POU6F2: variants seen among roughly 807,000 people sequenced by gnomAD.
POU6F2 encodes POU class 6 homeobox 2.
POU6F2 carries 31 observed loss-of-function variants against 71.3 expected under a neutral mutation model. That is an observed-to-expected ratio of 0.43 (90% CI 0.33 to 0.59). The LOEUF is 0.59. Ranked by LOEUF, POU6F2 falls within the 20% of genes least tolerant of loss-of-function variation. The pLI, the probability that POU6F2 is intolerant of heterozygous loss-of-function variation, is 0.04. For synonymous variants in POU6F2, 347 were observed against 355.7 expected, an observed-to-expected ratio of 0.98 and a Z score of 0.27; for missense variants, 783 against 856.8, an observed-to-expected ratio of 0.91 and a Z score of 1.07.
At chr7:39,192,546 T>C (rs1793691224) in intron 2 of POU6F2, among the ~76,000 whole-genome samples, 1 of 152,190 alleles carries the variant, frequency 6.6e-6, no homozygotes, top group African/African-American at 2.4e-5. Context: ...TGGGCTACAT[T>C]TGGCACCAGT....
At chr7:39,275,940 A>T (rs1784429960) in intron 4 of POU6F2, among the ~76,000 whole-genome samples, 1 of 152,020 alleles carries the variant, frequency 6.6e-6, no homozygotes, top group Admixed American at 6.6e-5. Context: ...ACCTAAAACC[A>T]TAAAAACCCT....
In POU6F2 at chr7:39,258,550, A is replaced by C. The variant is rs6943329; in HGVS notation, c.598+50930A>C. Among the ~76,000 whole-genome samples the C allele has an allele frequency of 3.0e-3, 457 of 152,298 alleles. 4 individuals carry two copies. Among genetic ancestry groups the C allele is most frequent in the African/African-American group, 0.011 (443 of 41,558 alleles). ...TTCCTGGTTGCTTCATTCCATAGAG[A>C]TCCTTCTGTTGTGGTAACACAATTG... On this transcript the variant is annotated intron_variant, in intron 4 of 9. Transcript: ENST00000518318.
intron 5 of POU6F2, among the ~76,000 whole-genome samples, chr7:39,361,309 G>GT (rs1194134414): frequency 6.6e-6 from 1 of 152,212 alleles, no homozygotes; most frequent in African/African-American, 2.4e-5. Flanking sequence ...CAAGTATGCT[G>GT]TTTTTCTCCC....
intron 6 of POU6F2, among the ~76,000 whole-genome samples, chr7:39,430,828 G>A (rs1453187517): frequency 2.0e-5 from 3 of 152,162 alleles, no homozygotes; most frequent in African/African-American, 7.2e-5. Flanking sequence ...AGCTCAGGCT[G>A]ATAGGATGAA....
intron 1 of POU6F2, among the ~76,000 whole-genome samples, chr7:39,067,170 TA>T (rs1183885395): frequency 0.014 from 1,857 of 130,854 alleles, 17 homozygotes; most frequent in Non-Finnish European, 0.022. Context: ...TTACTTTGAC[TA>T]AAAAAAAAAA....
At chr7:39,174,977 A>G (rs1278288326) in intron 2 of POU6F2, among the ~76,000 whole-genome samples, 1 of 151,512 alleles carries the variant, frequency 6.6e-6, no homozygotes, top group African/African-American at 2.4e-5. Flanking sequence ...TTCTCCTGTG[A>G]CCTCTCTCCA....
intron 7 of POU6F2, among the ~76,000 whole-genome samples, chr7:39,442,621 C>T (rs1788430529): frequency 1.3e-5 from 2 of 152,204 alleles, no homozygotes; most frequent in South Asian, 2.1e-4. Context: ...GTTTGATTCT[C>T]TACCTTCTAA....
Position 39,246,380 on chromosome 7 carries a change from G to A in POU6F2, c.598+38760G>A, listed in dbSNP as rs73380915. On this transcript the variant is annotated intron_variant, in intron 4 of 9. Transcript: ENST00000518318. The stretch of plus-strand genomic sequence containing the variant: ...ATTAGTACTACCAAAGGGGAAAACA[G>A]TGTCAGGACAGAGAAAATAGAGGAC... Among the ~76,000 whole-genome samples the A allele has an allele frequency of 8.3e-3, 1,258 of 152,264 alleles. 15 individuals are homozygous for A. Among genetic ancestry groups the A allele is most frequent in the African/African-American group, 0.029 (1,213 of 41,548 alleles).
chr7:39,150,126 C>T (rs974032598), intron 2 of POU6F2, among the ~76,000 whole-genome samples: 1 of 152,062 alleles, frequency 6.6e-6, no homozygotes, highest in East Asian at 1.9e-4. Context: ...CTCCTGACCT[C>T]GTGATCCGCC....
chr7:39,052,661 C>T (rs970619725), intron 1 of POU6F2, among the ~76,000 whole-genome samples: 1 of 152,054 alleles, frequency 6.6e-6, no homozygotes, highest in South Asian at 2.1e-4. Flanking sequence ...AGAGCCAAAC[C>T]GTATCAGCCA....
At chr7:39,259,338 T>G (rs1784088453) in intron 4 of POU6F2, among the ~76,000 whole-genome samples, 1 of 152,186 alleles carries the variant, frequency 6.6e-6, no homozygotes, top group African/African-American at 2.4e-5. Context: ...GACTTTGTAT[T>G]GAGAAGTTTC....
chr7:39,065,437 G>A (rs1443226870), intron 1 of POU6F2, among the ~76,000 whole-genome samples: 1 of 151,438 alleles, frequency 6.6e-6, no homozygotes, highest in Non-Finnish European at 1.5e-5. Flanking sequence ...ATTCACAAAA[G>A]TGTGAAAATC....
At chr7:39,040,991 AAAG>A (rs1419940701) in intron 1 of POU6F2, among the ~76,000 whole-genome samples, 2 of 151,974 alleles carry the variant, frequency 1.3e-5, no homozygotes, top group Admixed American at 1.3e-4. Flanking sequence ...GCCAATTATT[AAAG>A]GGTTGGTGCT....
chr7:39,387,364 C>CTAATA (rs1562811465), intron 5 of POU6F2, among the ~76,000 whole-genome samples: 1 of 152,094 alleles, frequency 6.6e-6, no homozygotes, highest in Non-Finnish European at 1.5e-5. Flanking sequence ...TGCATCCTTT[C>CTAATA]CATTGCAGTC....
At chr7:39,080,476 T>G (rs1335441923) in intron 1 of POU6F2, among the ~76,000 whole-genome samples, 1 of 152,214 alleles carries the variant, frequency 6.6e-6, no homozygotes, top group Non-Finnish European at 1.5e-5. Flanking sequence ...TTTCTATCCT[T>G]TCTCCCAAGT....
At chr7:39,117,301 T>C (rs1791950521) in intron 2 of POU6F2, among the ~76,000 whole-genome samples, 1 of 152,178 alleles carries the variant, frequency 6.6e-6, no homozygotes, top group Admixed American at 6.5e-5. Context: ...AGTTACAAAA[T>C]TATACTTCCT....
chr7:39,166,749 CTG>C (rs1793124213), intron 2 of POU6F2, among the ~76,000 whole-genome samples: 1 of 152,098 alleles, frequency 6.6e-6, no homozygotes, highest in Admixed American at 6.5e-5. Flanking sequence ...CTGAGCCTAC[CTG>C]TGGAAGGTAG....
At chr7:39,364,581 G>T (rs1786459687) in intron 5 of POU6F2, among the ~76,000 whole-genome samples, 1 of 152,120 alleles carries the variant, frequency 6.6e-6, no homozygotes, top group South Asian at 2.1e-4. Context: ...CCAGGTCACT[G>T]CAAATGCCAT....
intron 4 of POU6F2, among the ~76,000 whole-genome samples, chr7:39,292,824 G>A (rs1784785589): frequency 6.6e-6 from 1 of 152,084 alleles, no homozygotes; most frequent in South Asian, 2.1e-4. Flanking sequence ...ACGTTAAGCT[G>A]TTTTCCTCAT....
Sources: gnomAD v4.1 joint callset for allele counts (sites outside exome capture counted in the v4.1 genomes callset) on GRCh38, gnomAD v4.1.1 for gene constraint, MANE v1.5 for transcripts, NCBI Gene and HGNC (gene_info 2026-07-23, HGNC 2026-07-21) for gene names.